Variants in KLHL1 observed in about 807,000 individuals in gnomAD.
The protein encoded by KLHL1 is kelch like family member 1, also known as kelch-like protein 1.
A neutral mutation model predicts 77.7 loss-of-function variants in KLHL1; 47 were observed. The observed-to-expected ratio is 0.60, with a 90% CI of 0.48 to 0.77. The LOEUF (loss-of-function observed/expected upper bound fraction) is 0.77. Ranked by LOEUF, KLHL1 falls within the 30% of genes least tolerant of loss-of-function variation. The pLI is 0.00. For missense variants in KLHL1, 925 were observed against 910.8 expected, an observed-to-expected ratio of 1.02 and a Z score of -0.20; for synonymous variants, 360 against 325.2, an observed-to-expected ratio of 1.11 and a Z score of -1.15.
intron 1 of KLHL1, among the ~76,000 whole-genome samples, chr13:69,979,584 T>C (rs558897369): frequency 6.6e-6 from 1 of 152,248 alleles, no homozygotes; most frequent in South Asian, 2.1e-4. Flanking sequence ...AAACCAGGCA[T>C]TGGATTACTT....
rs572909277 is a variant in KLHL1 at position 69,820,941 on chromosome 13, G to A, written c.1414+18035C>T. On this transcript the variant is annotated intron_variant, in intron 6 of 10. Coordinates refer to ENST00000377844, the MANE Select transcript of KLHL1 (RefSeq NM_020866.3). ...CTAAAACTCTGTTTTCTTGGAAAGG[G>A]CAATAGTAAAAGTCGTAAGCTCTGT... Among the ~76,000 whole-genome samples the A allele has an allele frequency of 3.1e-4, 47 of 152,266 alleles. No individual in the cohort carries two copies. In the South Asian group the frequency reaches 9.5e-3, roughly 31 times the overall value.
At chr13:69,822,838 G>A (rs1878391657) in intron 6 of KLHL1, among the ~76,000 whole-genome samples, 1 of 151,978 alleles carries the variant, frequency 6.6e-6, no homozygotes, top group Admixed American at 6.6e-5. Context: ...AATTGATATT[G>A]ATATTAAAAT....
chr13:69,927,433 C>T (rs1882851576), intron 4 of KLHL1, among the ~76,000 whole-genome samples: 1 of 151,970 alleles, frequency 6.6e-6, no homozygotes, highest in Non-Finnish European at 1.5e-5. Context: ...AAACTTTGTC[C>T]TCATTGAGAA....
Position 70,022,049 on chromosome 13 carries a change from T to C in KLHL1, c.498-46247A>G, listed in dbSNP as rs565821599. Among the ~76,000 whole-genome samples, 22 of 152,072 alleles carry C rather than the reference T, an allele frequency of 1.4e-4. No individual in the cohort carries two copies. The East Asian group carries it at 4.1e-3, about 28-fold the overall frequency. ...TCCTTTGGTGTTATAGATACAGACATTGCCAAACCCAAAGTCACTTTGATT... is the reference window on the plus strand; with the variant it reads ...TCCTTTGGTGTTATAGATACAGACACTGCCAAACCCAAAGTCACTTTGATT... On this transcript the variant is annotated intron_variant, in intron 1 of 10. Coordinates refer to ENST00000377844, the MANE Select transcript of KLHL1 (RefSeq NM_020866.3).
At chr13:70,028,923 G>C (rs571312074) in intron 1 of KLHL1, among the ~76,000 whole-genome samples, 1 of 151,388 alleles carries the variant, frequency 6.6e-6, no homozygotes, top group Non-Finnish European at 1.5e-5. Context: ...GCTGCAGTGA[G>C]CTGTGATTGC....
chr13:69,892,850 A>T (rs1262447064), intron 4 of KLHL1, among the ~76,000 whole-genome samples: 1 of 152,220 alleles, frequency 6.6e-6, no homozygotes, highest in Non-Finnish European at 1.5e-5. Context: ...GCATTATTCA[A>T]TGAGGAATAC....
intron 7 of KLHL1, among the ~76,000 whole-genome samples, chr13:69,757,975 A>G (rs1189625290): frequency 6.6e-6 from 1 of 151,560 alleles, no homozygotes; most frequent in African/African-American, 2.4e-5. Context: ...AAAAAAAAAA[A>G]AAAAAAAATC....
chr13:69,954,418 A>T (rs1883804930), intron 3 of KLHL1, among the ~76,000 whole-genome samples: 1 of 151,374 alleles, frequency 6.6e-6, no homozygotes, highest in Admixed American at 6.6e-5. Context: ...CAATTCAATG[A>T]TTCAATTCTT....
At chr13:69,790,192 T>C (rs1318761) in intron 7 of KLHL1, among the ~76,000 whole-genome samples, 27,792 of 152,150 alleles carry the variant, frequency 0.18, 2,966 homozygotes, top group East Asian at 0.52. Context: ...TTGTCAGGAA[T>C]TGCATGAATA....
rs1057145609 is a variant in KLHL1 at position 69,911,327 on chromosome 13, A to T, written c.1014+28713T>A. Among the ~76,000 whole-genome samples, 7 of 152,158 alleles carry T rather than the reference A, an allele frequency of 4.6e-5. No individual in the cohort carries two copies. In the East Asian group the frequency reaches 1.4e-3, roughly 29 times the overall value. On this transcript the variant is annotated intron_variant, in intron 4 of 10. Coordinates refer to ENST00000377844, the MANE Select transcript of KLHL1 (RefSeq NM_020866.3). ...AAATCAATTGTTGAAAAAGCATCAA[A>T]CTCACTTTTTTTAAATCAAAGAGTG... is the stretch of plus-strand genomic sequence containing the variant.
At chr13:69,845,913 G>A (rs1879441059) in intron 5 of KLHL1, among the ~76,000 whole-genome samples, 1 of 151,274 alleles carries the variant, frequency 6.6e-6, no homozygotes, top group Non-Finnish European at 1.5e-5. Flanking sequence ...ATCTTAAAAA[G>A]TCAATATTTG....
chr13:69,995,636 AT>A (rs1462264049), intron 1 of KLHL1, among the ~76,000 whole-genome samples: 25 of 152,264 alleles, frequency 1.6e-4, no homozygotes, highest in African/African-American at 6.0e-4. Context: ...TACCAAAAGC[AT>A]TCCAGGAGTT....
At chr13:69,835,176 G>T (rs1878937085) in intron 6 of KLHL1, among the ~76,000 whole-genome samples, 1 of 152,176 alleles carries the variant, frequency 6.6e-6, no homozygotes, top group Middle Eastern at 3.4e-3. Context: ...TAAATCAAGT[G>T]AAATAATCTA....
In KLHL1 at chr13:69,811,001, C is replaced by G. The variant is rs531433587; in HGVS notation, c.1415-14039G>C. ...TAAGAAACCTATCAAATAAAAAAAG[C>G]CCTATACCAGATGGATTCACAGCAG... is the stretch of plus-strand genomic sequence containing the variant. On this transcript the variant is annotated intron_variant, in intron 6 of 10. Coordinates refer to ENST00000377844, the MANE Select transcript of KLHL1 (RefSeq NM_020866.3). Among the ~76,000 whole-genome samples, 28 of 152,098 alleles carry G rather than the reference C, an allele frequency of 1.8e-4. No homozygotes were observed. The South Asian group carries it at 5.8e-3, about 32-fold the overall frequency.
intron 1 of KLHL1, among the ~76,000 whole-genome samples, chr13:70,106,473 C>A (rs1360427904): frequency 6.6e-6 from 1 of 152,042 alleles, no homozygotes; most frequent in Non-Finnish European, 1.5e-5. Context: ...CACAAAGAAG[C>A]ATAATATTTG....
intron 4 of KLHL1, among the ~76,000 whole-genome samples, chr13:69,928,845 A>T (rs1049768890): frequency 6.6e-6 from 1 of 152,130 alleles, no homozygotes; most frequent in Non-Finnish European, 1.5e-5. Flanking sequence ...TGATAGTTGC[A>T]CAACTCTGAA....
At chr13:69,807,969 C>T (rs1199790711) in intron 6 of KLHL1, among the ~76,000 whole-genome samples, 3 of 152,108 alleles carry the variant, frequency 2.0e-5, no homozygotes, top group Non-Finnish European at 4.4e-5. Context: ...GCAGATGTCA[C>T]TCTCCTGGAG....
chr13:70,074,335 C>T (rs1447621592), intron 1 of KLHL1, among the ~76,000 whole-genome samples: 1 of 152,032 alleles, frequency 6.6e-6, no homozygotes, highest in African/African-American at 2.4e-5. Context: ...TCTATAATCT[C>T]GGATCTAAGG....
chr13:70,098,558 T>A (rs149615039), intron 1 of KLHL1, among the ~76,000 whole-genome samples: 73 of 152,004 alleles, frequency 4.8e-4, no homozygotes, highest in African/African-American at 1.7e-3. Flanking sequence ...AAGTTGAGGA[T>A]TAAAGACTTA....
Sources: allele counts gnomAD v4.1 joint callset (sites outside exome capture counted in the v4.1 genomes callset), GRCh38; gene constraint gnomAD v4.1.1; transcripts MANE v1.5; gene names NCBI Gene and HGNC (gene_info 2026-07-23, HGNC 2026-07-21).